The following RASA4B variants were observed in gnomAD, a reference collection of about 807,000 sequenced individuals.
The protein encoded by RASA4B is RAS p21 protein activator 4B, also known as ras GTPase-activating protein 4B.
RASA4B carries 2 observed loss-of-function variants against 24.2 expected under a neutral mutation model. That is an observed-to-expected ratio of 0.08 (90% CI 0.03 to 0.26). The LOEUF is 0.26. Ranked by LOEUF, RASA4B falls within the 10% of genes least tolerant of loss-of-function variation. RASA4B has a pLI of 1.00. For missense variants in RASA4B, 8 were observed against 277.2 expected (o/e 0.03, Z 6.90); for synonymous variants, 2 against 125.6 (o/e 0.02, Z 6.58).
At chr7:102,489,702 C>A (rs1380038539) in intron 17 of RASA4B, among the ~76,000 whole-genome samples, 1 of 148,730 alleles carries the variant, frequency 6.7e-6, no homozygotes, top group Admixed American at 6.9e-5. Flanking sequence ...ACAGACCGCT[C>A]CCTGCTATAC....
intron 16 of RASA4B, among the ~76,000 whole-genome samples, chr7:102,492,738 C>T (rs1282811341): frequency 3.0e-5 from 2 of 66,430 alleles, no homozygotes; most frequent in African/African-American, 5.7e-5. Context: ...GATCTCGGCT[C>T]ACTGCAACCT....
At chr7:102,506,237 C>T (rs1487978783) in intron 5 of RASA4B, among the ~76,000 whole-genome samples, 225 of 151,340 alleles carry the variant, frequency 1.5e-3, no homozygotes, top group African/African-American at 5.3e-3. Flanking sequence ...CCTCCCCAGA[C>T]CCTCTCTTTT....
intron 4 of RASA4B, among the ~76,000 whole-genome samples, chr7:102,509,051 CCCGT>C (rs1799623164): frequency 1.6e-5 from 2 of 123,170 alleles, no homozygotes; most frequent in Admixed American, 1.8e-4. Context: ...TCGTGATCCA[CCCGT>C]CTCGGCCTCC....
rs563674336 is a variant in RASA4B at position 102,490,756 on chromosome 7, C to T, written c.1968+230G>A. Among the ~76,000 whole-genome samples the T allele has an allele frequency of 8.7e-5, 13 of 149,538 alleles. 1 individual carries two copies. The East Asian group carries it at 2.2e-3, about 25-fold the overall frequency. On this transcript the variant is annotated intron_variant, in intron 17 of 20. Transcript: ENST00000465829. Reference sequence around the variant, plus strand: ...GGCCACTCCCACAGAGCTCAGGCCACTCCCATAGCACCCAGGCCATTCCCA... The same window carrying T: ...GGCCACTCCCACAGAGCTCAGGCCATTCCCATAGCACCCAGGCCATTCCCA...
At chr7:102,502,802 G>A (rs1799368145) in intron 6 of RASA4B, among the ~76,000 whole-genome samples, 2 of 112,072 alleles carry the variant, frequency 1.8e-5, no homozygotes, top group African/African-American at 2.8e-5. Flanking sequence ...AAACAGTAGC[G>A]ACTATACTGA....
intron 17 of RASA4B, among the ~76,000 whole-genome samples, chr7:102,489,498 T>TTA (rs1422743438): frequency 7.3e-4 from 80 of 109,530 alleles, no homozygotes; most frequent in South Asian, 1.0e-3. Flanking sequence ...CTAATTAATT[T>TTA]ATTTATTTAT....
intron 1 of RASA4B, among the ~76,000 whole-genome samples, chr7:102,512,837 G>A (rs1166623836): frequency 6.8e-6 from 1 of 148,040 alleles, no homozygotes; most frequent in Non-Finnish European, 1.5e-5. Flanking sequence ...GAGGGAGGGA[G>A]TAAAGAGGGA....
At chr7:102,484,681 C>G (rs1162191596) in intron 19 of RASA4B, among the ~76,000 whole-genome samples, 2 of 137,728 alleles carry the variant, frequency 1.5e-5, no homozygotes, top group African/African-American at 5.0e-5. Context: ...TTTTTTAAAG[C>G]TGATCTTTAA....
At chr7:102,489,621 T>G (rs1798837814) in intron 17 of RASA4B, among the ~76,000 whole-genome samples, 2 of 149,278 alleles carry the variant, frequency 1.3e-5, no homozygotes, top group Admixed American at 1.4e-4. Flanking sequence ...GCCCCCCAAG[T>G]AGCTGGGACT....
intron 16 of RASA4B, among the ~76,000 whole-genome samples, chr7:102,491,708 G>A (rs61561856): frequency 1.9e-4 from 12 of 63,476 alleles, no homozygotes; most frequent in African/African-American, 3.4e-4. Flanking sequence ...CGGAGGTTGC[G>A]GTGAGCCAAG....
rs1445178494 is a variant in RASA4B at position 102,487,386 on chromosome 7, G to C, written c.2104+1077C>G. ...GTGCTAGAACCTAGAGTACTACACA[G>C]TATGGAGTCCTTCTAGAAGCTCCTC... On this transcript the variant is annotated intron_variant, in intron 18 of 20. Transcript: ENST00000465829. Among the ~76,000 whole-genome samples, 213 of 24,362 alleles carry C rather than the reference G, an allele frequency of 8.7e-3. 25 individuals carry two copies. Among genetic ancestry groups the C allele is most frequent in the Non-Finnish European group, 0.02 (163 of 8,126 alleles). The allele number at this position is 24,362 out of a possible 152,430, so 16.0% of individuals were successfully genotyped here.
chr7:102,505,055 G>GA (rs1239300306), intron 5 of RASA4B, among the ~76,000 whole-genome samples: 5 of 116,802 alleles, frequency 4.3e-5, no homozygotes, highest in African/African-American at 1.4e-4. Context: ...AATCTCCCCA[G>GA]AAAAAATGAG....
At chr7:102,489,785 T>G (rs1798857467) in intron 17 of RASA4B, among the ~76,000 whole-genome samples, 1 of 127,362 alleles carries the variant, frequency 7.9e-6, no homozygotes, top group Non-Finnish European at 1.7e-5. Flanking sequence ...ATTTGCTTTT[T>G]TTTTTTTTTT....
rs1397255705 is a variant in RASA4B at position 102,480,097 on chromosome 7, AAG to A, written c.*3493_*3494del. ...GGACAATGAGGAGTGACCAGAAGAC[AAG>A]AGTGCGAGCTTTCTGTTATGCCCGG... On this transcript the variant is annotated 3_prime_UTR_variant, in exon 21 of 21. Transcript: ENST00000465829. Among the ~76,000 whole-genome samples the A allele has an allele frequency of 6.6e-6, 1 of 152,044 alleles. No homozygotes were observed. Among genetic ancestry groups the A allele is most frequent in the Non-Finnish European group, 1.5e-5 (1 of 68,002 alleles).
chr7:102,502,201 A>G (rs1225380928), intron 6 of RASA4B, among the ~76,000 whole-genome samples: 46 of 904 alleles, frequency 0.051, no homozygotes, highest in African/African-American at 0.12. Context: ...AAAACCAAAC[A>G]TCGTTATGTT....
intron 8 of RASA4B, 141 bp from the exon 9 acceptor site, chr7:102,497,105 C>T: frequency 2.3e-6 from 2 of 880,566 alleles, no homozygotes; most frequent in Non-Finnish European, 3.5e-6. Flanking sequence ...CCCTGCATAG[C>T]TCTGCCTCCC....
chr7:102,512,749 G>A (rs1250250444), intron 1 of RASA4B, among the ~76,000 whole-genome samples: 1 of 101,942 alleles, frequency 9.8e-6, no homozygotes, highest in Non-Finnish European at 2.6e-5. Context: ...AGGGAGGAGA[G>A]TAAGAGGGAG....
chr7:102,480,083 A>C lies in RASA4B; in HGVS notation c.*3509T>G, dbSNP rs559284611. Among the ~76,000 whole-genome samples, 8 of 152,046 alleles carry C rather than the reference A, an allele frequency of 5.3e-5. No individual in the cohort carries two copies. Among genetic ancestry groups the C allele is most frequent in the South Asian group, 2.1e-4 (1 of 4,818 alleles). On this transcript the variant is annotated 3_prime_UTR_variant, in exon 21 of 21. Transcript: ENST00000465829. ...GATAGGAGCTGAGGGGACAATGAGG[A>C]GTGACCAGAAGACAAGAGTGCGAGC...
In RASA4B at chr7:102,497,055, C is replaced by T. The variant is rs4727530; in HGVS notation, c.738-91G>A. ...TGGCCTCCAGTTTTTTCCCTTGGGG[C>T]CGGCTTCCCATCTCTCTGCTCATGC... On this transcript the variant is annotated intron_variant, in intron 8 of 20. Transcript: ENST00000465829. 3.0e-5 allele frequency: 44 copies of T among 1,450,574 alleles called. No individual in the cohort carries two copies. The African/African-American group carries it at 5.1e-4, about 17-fold the overall frequency. The allele number at this position is 1,450,574 out of a possible 1,614,324, so 89.9% of individuals were successfully genotyped here.
Sources: gnomAD v4.1 joint callset for allele counts (sites outside exome capture counted in the v4.1 genomes callset) on GRCh38, gnomAD v4.1.1 for gene constraint, MANE v1.5 for transcripts, NCBI Gene and HGNC (gene_info 2026-07-23, HGNC 2026-07-21) for gene names.